Variants in PHC3 observed in about 807,000 individuals in gnomAD.
PHC3 encodes the protein polyhomeotic homolog 3.
In PHC3, 13 loss-of-function variants were observed where a neutral mutation model predicts 107.4. The observed-to-expected ratio is 0.12, with a 90% confidence interval of 0.08 to 0.19. The LOEUF is 0.19. Among genes scored for constraint, PHC3 ranks in the 10% least tolerant of loss-of-function variants. The probability of loss-of-function intolerance (pLI) is 1.00; values close to 1 mark genes in which losing one functional copy is unlikely to be tolerated. For synonymous variants in PHC3, 456 were observed against 427.4 expected (o/e 1.07, Z -0.83); for missense variants, 992 against 1,210.9 (o/e 0.82, Z 2.68).
chr3:170,128,710 G>A lies in PHC3; in HGVS notation c.1762C>T (p.Pro588Ser). ...QTVAVNLQVQPPAPVDPPVVY... is the reference protein window; with the variant it reads ...QTVAVNLQVQSPAPVDPPVVY... ...ACTGGTGGATCAACAGGTGCTGGTGGTTGCACTTGTAGGTTTACCGCAACA... is the reference window on the plus strand; with the variant it reads ...ACTGGTGGATCAACAGGTGCTGGTGATTGCACTTGTAGGTTTACCGCAACA... Residue 588 changes from proline (P) to serine (S), a missense_variant, in exon 8 of 15, where the codon CCA becomes TCA. By Grantham distance (74) the Pro-to-Ser change is moderately conservative. Coordinates refer to ENST00000495893, the MANE Select transcript of PHC3 (RefSeq NM_024947.4). 1 of 1,613,984 alleles carries A rather than the reference G, an allele frequency of 6.2e-7. No homozygotes were observed. Among genetic ancestry groups the A allele is most frequent in the Non-Finnish European group, 8.5e-7 (1 of 1,179,868 alleles).
chr3:170,131,207 T>C (rs1722217552), intron 7 of PHC3, among the ~76,000 whole-genome samples: 1 of 150,890 alleles, frequency 6.6e-6, no homozygotes, highest in Non-Finnish European at 1.5e-5. Flanking sequence ...GTATCTAGGC[T>C]AGTACTTCAC....
chr3:170,174,932 G>GA (rs1271526871), intron 2 of PHC3, among the ~76,000 whole-genome samples: 1 of 152,056 alleles, frequency 6.6e-6, no homozygotes, highest in Non-Finnish European at 1.5e-5. Context: ...ACTGTATACG[G>GA]AAAAAAATTC....
At chr3:170,100,732 G>T (rs1312803361) in intron 14 of PHC3, among the ~76,000 whole-genome samples, 2 of 152,086 alleles carry the variant, frequency 1.3e-5, no homozygotes, top group South Asian at 4.1e-4. Flanking sequence ...ATTTGCCTTT[G>T]TTCTGGTAAA....
At chr3:170,138,198 A>AAAAC (rs1723433658) in intron 6 of PHC3, among the ~76,000 whole-genome samples, 1 of 152,162 alleles carries the variant, frequency 6.6e-6, no homozygotes, top group Non-Finnish European at 1.5e-5. Flanking sequence ...CTGTCTCAAA[A>AAAAC]AAACAAATAA....
At position 170,136,573 on chromosome 3, in the gene PHC3, C is replaced by A. The variant is rs1439664619; in HGVS notation, c.765G>T (p.Leu255Phe). The A allele has an allele frequency of 6.2e-7, 1 of 1,613,486 alleles. No individual in the cohort carries two copies. The highest frequency in any genetic ancestry group is 8.5e-7 in the Non-Finnish European group (1 of 1,179,746). ...CTGTTGTTTTGTTATGACAAATTGT[C>A]AATGACTGAGTTTGACTAGTGCTTT... The part of the protein sequence containing the change: ...PPKSTSQTQS[L>F]TICHNKTTVT... The change falls in exon 7 of 15, where the codon TTG becomes TTT. Residue 255 changes from leucine to phenylalanine, a missense_variant. By Grantham distance (22) the Leu-to-Phe change is conservative. Transcript: ENST00000495893.
chr3:170,181,683 T>G lies in PHC3; in HGVS notation c.14+19A>C, dbSNP rs750468232. Reference sequence around the variant, plus strand: ...TCGCCCCCCCTAGTTACGACATCAGTCACCATCTAGTCACTCACTCCGCTT... The same window carrying G: ...TCGCCCCCCCTAGTTACGACATCAGGCACCATCTAGTCACTCACTCCGCTT... On this transcript the variant is annotated intron_variant, in intron 1 of 14. Transcript: ENST00000495893. 1.9e-6 allele frequency: 3 copies of G among 1,613,296 alleles called. No individual in the cohort carries two copies. The Admixed American group carries it at 5.0e-5, about 27-fold the overall frequency.
chr3:170,095,455 T>C lies in PHC3; in HGVS notation c.*1775A>G, dbSNP rs1714531454. 6.6e-6 allele frequency: 1 copy of C among 152,190 alleles called. No individual in the cohort carries two copies. The highest frequency in any genetic ancestry group is 2.1e-4 in the South Asian group (1 of 4,834). 9.4% of individuals were successfully genotyped at this position (152,190 alleles called of 1,614,324 possible). On this transcript the variant is annotated 3_prime_UTR_variant, in exon 15 of 15. Transcript: ENST00000495893. ...AAGATTAAAAAAATTACCCGCTGTA[T>C]TTTTGTATAAAAATAATCAACATTC...
intron 2 of PHC3, 64 bp from the exon 3 acceptor site, chr3:170,172,776 C>T (rs1242109124): frequency 1.3e-6 from 2 of 1,521,260 alleles, no homozygotes. Context: ...ATCAGAAAAT[C>T]AAAGTATAAA....
At chr3:170,154,706 G>A (rs1266526305) in intron 4 of PHC3, among the ~76,000 whole-genome samples, 8 of 152,142 alleles carry the variant, frequency 5.3e-5, no homozygotes, top group South Asian at 2.1e-4. Flanking sequence ...CAAAGAACAA[G>A]TGTTGTGTTT....
At chr3:170,157,851 A>C (rs1190319766) in intron 4 of PHC3, among the ~76,000 whole-genome samples, 1 of 151,956 alleles carries the variant, frequency 6.6e-6, no homozygotes, top group Non-Finnish European at 1.5e-5. Flanking sequence ...TTTTAAGAAG[A>C]AAATAATAAC....
intron 1 of PHC3, among the ~76,000 whole-genome samples, chr3:170,181,214 C>G (rs912381974): frequency 6.6e-6 from 1 of 152,196 alleles, no homozygotes; most frequent in Non-Finnish European, 1.5e-5. Flanking sequence ...CGGGCAGCCC[C>G]GCGTGTCGGA....
At chr3:170,116,229 T>C (rs572098641) in intron 10 of PHC3, among the ~76,000 whole-genome samples, 1 of 152,252 alleles carries the variant, frequency 6.6e-6, no homozygotes, top group South Asian at 2.1e-4. Flanking sequence ...TTACAAACCA[T>C]CAATTGGGTA....
At chr3:170,106,193 T>C (rs556274737) in intron 12 of PHC3, among the ~76,000 whole-genome samples, 3 of 152,168 alleles carry the variant, frequency 2.0e-5, no homozygotes, top group South Asian at 2.1e-4. Context: ...GCCTGGGCTA[T>C]AGAGTAAGAC....
chr3:170,103,348 C>A (rs1715836899), intron 12 of PHC3, among the ~76,000 whole-genome samples: 1 of 152,086 alleles, frequency 6.6e-6, no homozygotes, highest in Non-Finnish European at 1.5e-5. Flanking sequence ...TCCAAAGAGA[C>A]ATTAATTTTT....
At chr3:170,150,533 A>T (rs1221445818) in intron 4 of PHC3, 8 of 142,294 alleles carry the variant, frequency 5.6e-5, no homozygotes, top group South Asian at 1.9e-4. Flanking sequence ...GTCTCTACTA[A>T]AAAAAAAAAA....
chr3:170,104,135 G>C (rs1319449713), intron 12 of PHC3, among the ~76,000 whole-genome samples: 1 of 152,068 alleles, frequency 6.6e-6, no homozygotes, highest in Non-Finnish European at 1.5e-5. Context: ...TTGTGTTCTA[G>C]TAAAATTTTC....
intron 2 of PHC3, chr3:170,176,966 A>G: frequency 6.8e-6 from 3 of 442,992 alleles, no homozygotes; most frequent in Non-Finnish European, 9.1e-6. Context: ...AGTATAATAG[A>G]GTGGAAGGTC....
intron 11 of PHC3, among the ~76,000 whole-genome samples, chr3:170,108,407 CTG>C (rs938135861): frequency 6.6e-6 from 1 of 152,142 alleles, no homozygotes; most frequent in Non-Finnish European, 1.5e-5. Context: ...AAAAAACAAA[CTG>C]TGAATTAATA....
intron 8 of PHC3, among the ~76,000 whole-genome samples, chr3:170,126,528 A>ATATATATATT (rs370421296): frequency 6.6e-5 from 6 of 90,628 alleles, no homozygotes; most frequent in African/African-American, 2.7e-4. Flanking sequence ...ATATATATAT[A>ATATATATATT]TTTTTTTTTT....
Sources: allele counts gnomAD v4.1 joint callset (sites outside exome capture counted in the v4.1 genomes callset), GRCh38; gene constraint gnomAD v4.1.1; transcripts MANE v1.5; gene names NCBI Gene and HGNC (gene_info 2026-07-23, HGNC 2026-07-21).